Variants in PRCC observed in about 807,000 individuals in gnomAD.
PRCC encodes proline-rich protein PRCC.
PRCC carries 10 observed loss-of-function variants against 44.0 expected under a neutral mutation model. The ratio of observed to expected loss-of-function variants is 0.23; its 90% confidence interval spans 0.14 to 0.39. PRCC has a LOEUF of 0.39. PRCC is among the 10% of genes least tolerant of loss of function. PRCC has a pLI of 1.00. For synonymous variants in PRCC, 278 were observed against 259.5 expected, an observed-to-expected ratio of 1.07 and a Z score of -0.69; for missense variants, 573 against 624.7, an observed-to-expected ratio of 0.92 and a Z score of 0.88.
intron 1 of PRCC, among the ~76,000 whole-genome samples, chr1:156,772,025 A>G (rs911034377): frequency 6.6e-6 from 1 of 151,734 alleles, no homozygotes. Context: ...GGACTGGTCA[A>G]TTTTTGTATT....
chr1:156,773,498 AAC>A (rs552733766), intron 1 of PRCC, among the ~76,000 whole-genome samples: 77 of 152,276 alleles, frequency 5.1e-4, no homozygotes, highest in African/African-American at 1.8e-3. Flanking sequence ...TAACAGACTC[AAC>A]AGTTTGTGCC....
Sources: allele counts gnomAD v4.1 joint callset (sites outside exome capture counted in the v4.1 genomes callset), GRCh38; gene constraint gnomAD v4.1.1; transcripts MANE v1.5; gene names NCBI Gene and HGNC (gene_info 2026-07-23, HGNC 2026-07-21).